IQCH: variants seen among roughly 807,000 people sequenced by gnomAD.
IQCH encodes IQ motif containing H.
Under a neutral mutation model 117.0 loss-of-function variants are expected in IQCH, and 98 were observed. The observed-to-expected ratio is 0.84, with a 90% CI of 0.71 to 0.99. The LOEUF (loss-of-function observed/expected upper bound fraction) is 0.99, where lower values mean the gene tolerates loss of function less well. Among genes scored for constraint, IQCH ranks in the 50% least tolerant of loss-of-function variants. The pLI, the probability that IQCH is intolerant of heterozygous loss-of-function variation, is 0.00. For missense variants in IQCH, 1,102 were observed against 1,243.8 expected (o/e 0.89, Z 1.72); for synonymous variants, 412 against 448.2 (o/e 0.92, Z 1.02).
At chr15:67,389,089 A>G in intron 12 of IQCH, 83 bp downstream of exon 12, 1 of 1,034,700 alleles carries the variant, frequency 9.7e-7, no homozygotes. Context: ...ACGCTCTGGT[A>G]CACATCAGTG....
intron 6 of IQCH, among the ~76,000 whole-genome samples, chr15:67,349,096 G>T (rs2140705891): frequency 6.6e-6 from 1 of 152,310 alleles, no homozygotes. Context: ...CTTGCACCAT[G>T]TACAAAAATT....
rs1275689097 is a variant in IQCH at position 67,454,098 on chromosome 15, G to T, written c.2506-11029G>T. Among the ~76,000 whole-genome samples, 1 of 152,202 alleles carries T rather than the reference G, an allele frequency of 6.6e-6. No homozygotes were observed. Among genetic ancestry groups the T allele is most frequent in the Admixed American group, 6.5e-5 (1 of 15,288 alleles). On this transcript the variant is annotated intron_variant, in intron 16 of 20. Coordinates refer to ENST00000335894, the MANE Select transcript of IQCH (RefSeq NM_001031715.3). This position sits in a 1 kb window ranked among gnomAD's most constrained non-coding sequence, Gnocchi z 5.2. ...TTGGAAAAGCGCAGTATTAGGGTGG[G>T]AGTGACCCGATTTTCCAGGTGCCAT...
chr15:67,267,047 C>T (rs900968664), intron 3 of IQCH, among the ~76,000 whole-genome samples: 10 of 152,234 alleles, frequency 6.6e-5, no homozygotes, highest in African/African-American at 1.9e-4. Context: ...TGAGAGCAGA[C>T]GCACCAGTGC....
At chr15:67,262,631 C>G (rs189338944) in intron 2 of IQCH, among the ~76,000 whole-genome samples, 5 of 152,260 alleles carry the variant, frequency 3.3e-5, no homozygotes, top group Non-Finnish European at 2.9e-5. Flanking sequence ...GTAGATTTAC[C>G]TGGCTAAAAA....
chr15:67,429,226 A>G (rs2081965964), intron 16 of IQCH, among the ~76,000 whole-genome samples: 1 of 152,212 alleles, frequency 6.6e-6, no homozygotes, highest in African/African-American at 2.4e-5. Flanking sequence ...GTAAACATGT[A>G]TTATAGTCTA....
rs1970508444 is a variant in IQCH, at chr15:67,370,968, G to T, written c.754-1143G>T. ...ATCATTATGGATAAATTGCTGGGGG[G>T]GGTTTTCTTTGAGTTTTTTGAAAAC... On this transcript the variant is annotated intron_variant, in intron 8 of 20. Coordinates refer to ENST00000335894, the MANE Select transcript of IQCH (RefSeq NM_001031715.3). This position sits in a 1 kb window ranked among gnomAD's most constrained non-coding sequence, Gnocchi z 5.6. 6.6e-6 allele frequency among the ~76,000 whole-genome samples: 1 copy of T among 151,280 alleles called. No individual in the cohort carries two copies. Among genetic ancestry groups the T allele is most frequent in the East Asian group, 1.9e-4 (1 of 5,176 alleles).
At chr15:67,470,618 T>A (rs1436118759) in intron 17 of IQCH, among the ~76,000 whole-genome samples, 1 of 152,226 alleles carries the variant, frequency 6.6e-6, no homozygotes, top group East Asian at 1.9e-4. Flanking sequence ...CTATGTTTTT[T>A]AAAAAATAAA....
At chr15:67,482,398 G>GT (rs901837675) in intron 18 of IQCH, among the ~76,000 whole-genome samples, 3 of 151,948 alleles carry the variant, frequency 2.0e-5, no homozygotes, top group South Asian at 2.1e-4. Flanking sequence ...AGATAATTTT[G>GT]TTTTTTTTCT....
chr15:67,348,983 G>C (rs561614241), intron 6 of IQCH, among the ~76,000 whole-genome samples: 3 of 152,332 alleles, frequency 2.0e-5, no homozygotes, highest in African/African-American at 7.2e-5. Flanking sequence ...TTTTGACAAA[G>C]ATGCAAAGGC....
chr15:67,476,197 C>T lies in IQCH; in HGVS notation c.2799+379C>T, dbSNP rs907009130. On this transcript the variant is annotated intron_variant, in intron 18 of 20. Coordinates refer to ENST00000335894, the MANE Select transcript of IQCH (RefSeq NM_001031715.3). This position sits in a 1 kb window ranked among gnomAD's most constrained non-coding sequence, Gnocchi z 4.1. ...TCTTAGTCTGCTGGGGCTGCCATAA[C>T]AATATAGCACAAGCTAAATGGCTTG... Among the ~76,000 whole-genome samples the T allele has an allele frequency of 6.6e-6, 1 of 152,186 alleles. No homozygotes were observed. The highest frequency in any genetic ancestry group is 6.5e-5 in the Admixed American group (1 of 15,272).
chr15:67,323,566 T>G (rs1481951797), intron 4 of IQCH, among the ~76,000 whole-genome samples: 1 of 152,166 alleles, frequency 6.6e-6, no homozygotes, highest in Non-Finnish European at 1.5e-5. Flanking sequence ...TAAAATAATT[T>G]TTAACATTCC....
At chr15:67,438,308 A>C (rs966087016) in intron 16 of IQCH, among the ~76,000 whole-genome samples, 1 of 152,208 alleles carries the variant, frequency 6.6e-6, no homozygotes, top group Non-Finnish European at 1.5e-5. Context: ...TAAGCATCAT[A>C]TATGAAGGAA....
chr15:67,259,836 C>T lies in IQCH; in HGVS notation c.52-1436C>T, dbSNP rs78746222. Among the ~76,000 whole-genome samples the T allele has an allele frequency of 6.6e-3, 1,006 of 152,292 alleles. 11 individuals are homozygous for T. Among genetic ancestry groups the T allele is most frequent in the African/African-American group, 0.023 (961 of 41,554 alleles). On this transcript the variant is annotated intron_variant, in intron 1 of 20. Coordinates refer to ENST00000335894, the MANE Select transcript of IQCH (RefSeq NM_001031715.3). ...GACAAAACAATAGAAAGAAGTATATCTTTATCTTTAGTGCTTACAAGCAAG... is the reference window on the plus strand; with the variant it reads ...GACAAAACAATAGAAAGAAGTATATTTTTATCTTTAGTGCTTACAAGCAAG...
chr15:67,382,044 T>C (rs1970951557), intron 10 of IQCH, among the ~76,000 whole-genome samples: 1 of 152,166 alleles, frequency 6.6e-6, no homozygotes, highest in Admixed American at 6.5e-5. Context: ...ATTCGTTTAT[T>C]TGACTGGAGA....
At chr15:67,263,816 G>C (rs538643853) in intron 3 of IQCH, among the ~76,000 whole-genome samples, 2 of 152,258 alleles carry the variant, frequency 1.3e-5, no homozygotes, top group Non-Finnish European at 2.9e-5. Flanking sequence ...TCTATTATGT[G>C]CATCCTAAGA....
chr15:67,322,799 C>T (rs1968199359), intron 4 of IQCH, among the ~76,000 whole-genome samples: 1 of 436 alleles, frequency 2.3e-3, no homozygotes. Flanking sequence ...GGTGGTTCCC[C>T]ACCACCAGTT....
At chr15:67,277,091 G>A (rs1966155090) in intron 3 of IQCH, among the ~76,000 whole-genome samples, 1 of 152,080 alleles carries the variant, frequency 6.6e-6, no homozygotes, top group African/African-American at 2.4e-5. Flanking sequence ...TCAATATATT[G>A]ATAAGCCTAT....
chr15:67,332,446 G>A (rs554197969), intron 4 of IQCH, among the ~76,000 whole-genome samples: 1 of 152,270 alleles, frequency 6.6e-6, no homozygotes, highest in Non-Finnish European at 1.5e-5. Flanking sequence ...AGTATGACTT[G>A]CTTTAATTCT....
rs1342168835 is a variant in IQCH, at chr15:67,393,490, A to G, written c.1633-1801A>G. On this transcript the variant is annotated intron_variant, in intron 12 of 20. Coordinates refer to ENST00000335894, the MANE Select transcript of IQCH (RefSeq NM_001031715.3). The surrounding 1 kb of genome is among the most constrained non-coding windows in gnomAD (Gnocchi z 5.5). The stretch of plus-strand genomic sequence containing the variant: ...TGAGACCCTGGCACTTTTACATTAT[A>G]TTATTTGCATAACATTTTAATGACT... Among the ~76,000 whole-genome samples, 2 of 152,136 alleles carry G rather than the reference A, an allele frequency of 1.3e-5. No homozygotes were observed. Among genetic ancestry groups the G allele is most frequent in the Non-Finnish European group, 2.9e-5 (2 of 68,014 alleles).
Sources: allele counts gnomAD v4.1 joint callset (sites outside exome capture counted in the v4.1 genomes callset), GRCh38; gene constraint gnomAD v4.1.1; non-coding constraint Gnocchi (gnomAD v3.1); transcripts MANE v1.5; gene names NCBI Gene and HGNC (gene_info 2026-07-23, HGNC 2026-07-21).